PRKAB1: variants seen among roughly 807,000 people sequenced by gnomAD.
PRKAB1 encodes 5'-AMP-activated protein kinase subunit beta-1.
PRKAB1 carries 18 observed loss-of-function variants against 32.0 expected under a neutral mutation model. The ratio of observed to expected loss-of-function variants is 0.56; its 90% confidence interval spans 0.39 to 0.83. PRKAB1 has a LOEUF of 0.83. Ranked by LOEUF, PRKAB1 falls within the 40% of genes least tolerant of loss-of-function variation. The pLI is 0.00. For missense variants in PRKAB1, 263 were observed against 352.6 expected (o/e 0.75, Z 2.03); for synonymous variants, 141 against 141.4 (o/e 1.00, Z 0.02).
chr12:119,676,491 G>C (rs1955427181), intron 4 of PRKAB1, 46 bp from the exon 5 acceptor site: 4 of 1,537,736 alleles, frequency 2.6e-6, no homozygotes, highest in Middle Eastern at 1.7e-4. Context: ...GCTGCTCCTA[G>C]AATGCCTGAT....
chr12:119,668,704 G>C (rs930855959), intron 1 of PRKAB1, among the ~76,000 whole-genome samples: 2 of 152,238 alleles, frequency 1.3e-5, no homozygotes, highest in African/African-American at 4.8e-5. Flanking sequence ...TCAGAGTCGA[G>C]CTAACAGTAA....
At chr12:119,677,079 A>G (rs1955431346) in intron 5 of PRKAB1, among the ~76,000 whole-genome samples, 1 of 152,236 alleles carries the variant, frequency 6.6e-6, no homozygotes, top group Non-Finnish European at 1.5e-5. Flanking sequence ...TAGGTAACAC[A>G]CATTTCTCCT....
At chr12:119,673,111 C>T (rs1424696017) in intron 2 of PRKAB1, among the ~76,000 whole-genome samples, 1 of 152,052 alleles carries the variant, frequency 6.6e-6, no homozygotes, top group Non-Finnish European at 1.5e-5. Flanking sequence ...ACACCTGTAT[C>T]CCCAGCTACT....
intron 1 of PRKAB1, chr12:119,671,473 G>A: frequency 2.4e-6 from 1 of 420,658 alleles, no homozygotes; most frequent in South Asian, 1.7e-5. Flanking sequence ...TTACAATCAT[G>A]GTAAAAGGCA....
At chr12:119,673,510 G>A (rs905013010) in intron 2 of PRKAB1, among the ~76,000 whole-genome samples, 2 of 152,212 alleles carry the variant, frequency 1.3e-5, no homozygotes, top group African/African-American at 2.4e-5. Context: ...GGGCTCTTCC[G>A]GAGTTTGGTT....
At position 119,669,129 on chromosome 12, in the gene PRKAB1, TA is replaced by T. The variant is rs1473546992; in HGVS notation, c.159+729del. 4.1e-5 allele frequency among the ~76,000 whole-genome samples: 6 copies of T among 147,814 alleles called. No individual in the cohort carries two copies. The Admixed American group carries it at 4.2e-4, about 10-fold the overall frequency. On this transcript the variant is annotated intron_variant, in intron 1 of 6. Coordinates refer to ENST00000229328, the MANE Select transcript of PRKAB1 (RefSeq NM_006253.5). The stretch of plus-strand genomic sequence containing the variant: ...TAGACTTCGTCTCAAAAAAAAAATA[TA>T]AATAAAAATAAAAAAGACGGTGGTC...
Position 119,668,381 on chromosome 12 carries a change from T to C in PRKAB1, c.137T>C (p.Leu46Pro), listed in dbSNP as rs1422624494. The C allele has an allele frequency of 3.7e-6, 6 of 1,613,452 alleles. No homozygotes were observed. The highest frequency in any genetic ancestry group is 5.1e-6 in the Non-Finnish European group (6 of 1,179,688). ...ILMDSPEDAD[L>P]FHSEEIKAPE... ...ATGGACAGCCCCGAAGACGCCGACC[T>C]CTTCCACTCCGAGGAAATCAAGGTG... Residue 46 changes from leucine (L) to proline (P), a missense_variant, in exon 1 of 7, where the codon CTC (leucine) becomes CCC (proline). Leu to Pro is a moderately conservative substitution (Grantham distance 98). Coordinates refer to ENST00000229328, the MANE Select transcript of PRKAB1 (RefSeq NM_006253.5).
Position 119,679,796 on chromosome 12 carries a change from C to G in PRKAB1, c.667-137C>G, listed in dbSNP as rs1167742037. The G allele has an allele frequency of 1.2e-5, 11 of 898,232 alleles. No individual in the cohort carries two copies. In the Admixed American group the frequency reaches 1.9e-4, roughly 16 times the overall value. 55.6% of individuals were successfully genotyped at this position (898,232 alleles called of 1,614,324 possible). A position where few individuals can be genotyped will look rare whatever the true frequency, so the allele number is the denominator to read the frequency against. ...TCTCACCTGTCGTCTTGGACAAGCC[C>G]TTGCGCTGCCTGATTTGGGAAGAGA... On this transcript the variant is annotated intron_variant, in intron 5 of 6. Transcript: ENST00000229328. The surrounding 1 kb of genome is among the most constrained non-coding windows in gnomAD (Gnocchi z 4.1).
Position 119,679,748 on chromosome 12 carries a change from C to CA in PRKAB1, c.667-184dup. ...CAGCAGGCATGCAGGGAGCTCCCTT[C>CA]AGGTCAGAAGGCGTGACCTTCATCT... On this transcript the variant is annotated intron_variant, in intron 5 of 6. Transcript: ENST00000229328. The surrounding 1 kb of genome is among the most constrained non-coding windows in gnomAD (Gnocchi z 4.1). 1.6e-6 allele frequency: 1 copy of CA among 621,632 alleles called. No homozygotes were observed. Among genetic ancestry groups the CA allele is most frequent in the Non-Finnish European group, 2.9e-6 (1 of 342,878 alleles). 38.5% of individuals were successfully genotyped at this position (621,632 alleles called of 1,614,324 possible).
Position 119,680,502 on chromosome 12 carries a change from C to G in PRKAB1, c.*177C>G. The G allele has an allele frequency of 1.5e-6, 1 of 665,450 alleles. No individual in the cohort carries two copies. Among genetic ancestry groups the G allele is most frequent in the Non-Finnish European group, 2.6e-6 (1 of 388,028 alleles). The allele number at this position is 665,450 out of a possible 1,614,324, so 41.2% of individuals were successfully genotyped here. The stretch of plus-strand genomic sequence containing the variant: ...CCAGGCAGAGCAGCTCCTGCAGCGC[C>G]TCGGTCTGTGACAGTCCTCCTAGCA... On this transcript the variant is annotated 3_prime_UTR_variant, in exon 7 of 7. Coordinates refer to ENST00000229328, the MANE Select transcript of PRKAB1 (RefSeq NM_006253.5).
rs1262422729 is a variant in PRKAB1 at position 119,678,986 on chromosome 12, T to C, written c.667-947T>C. On this transcript the variant is annotated intron_variant, in intron 5 of 6. Coordinates refer to ENST00000229328, the MANE Select transcript of PRKAB1 (RefSeq NM_006253.5). ...ATGCCCATCAGCAGTGCACTAAAAGTAGCTTTTAAGTGTTCTCACCACAAA... is the reference window on the plus strand; with the variant it reads ...ATGCCCATCAGCAGTGCACTAAAAGCAGCTTTTAAGTGTTCTCACCACAAA... The C allele has an allele frequency of 1.8e-4, 28 of 152,220 alleles. 1 individual carries two copies. The highest frequency in any genetic ancestry group is 1.7e-3 in the Admixed American group (26 of 15,280). The allele number at this position is 152,220 out of a possible 1,614,324, so 9.4% of individuals were successfully genotyped here.
At position 119,668,349 on chromosome 12, in the gene PRKAB1, G is replaced by T; in HGVS notation, c.105G>T (p.Lys35Asn). ...GCACCAAGGACGGGGACAGGCCCAA[G>T]ATCCTGATGGACAGCCCCGAAGACG... Reference protein sequence around the residue: ...SGGTKDGDRPKILMDSPEDAD... With the variant: ...SGGTKDGDRPNILMDSPEDAD... The change falls in exon 1 of 7, where the codon AAG becomes AAT. Residue 35 changes from lysine (K) to asparagine (N), a missense_variant. By Grantham distance (94) the Lys-to-Asn change is moderately conservative. Transcript: ENST00000229328. 6.2e-7 allele frequency: 1 copy of T among 1,613,424 alleles called. No individual in the cohort carries two copies. The highest frequency in any genetic ancestry group is 8.5e-7 in the Non-Finnish European group (1 of 1,179,734).
intron 1 of PRKAB1, chr12:119,671,650 A>G: frequency 4.2e-6 from 1 of 239,464 alleles, no homozygotes; most frequent in South Asian, 4.0e-5. Flanking sequence ...CGTGGGGATT[A>G]TGGGGATTAC....
intron 6 of PRKAB1, 94 bp from the exon 7 acceptor site, chr12:119,680,154 A>T: frequency 6.7e-7 from 1 of 1,497,162 alleles, no homozygotes; most frequent in Non-Finnish European, 9.2e-7. Context: ...TGGCCCGGGA[A>T]TTTGTGGTTT....
intron 2 of PRKAB1, chr12:119,673,685 A>C: frequency 3.4e-6 from 1 of 292,866 alleles, no homozygotes; most frequent in Non-Finnish European, 6.3e-6. Flanking sequence ...CTTGAGACGC[A>C]CAAATGCCTG....
chr12:119,674,935 C>G lies in PRKAB1; in HGVS notation c.532+481C>G, dbSNP rs111768801. Among the ~76,000 whole-genome samples the G allele has an allele frequency of 1.5e-4, 23 of 152,348 alleles. No individual in the cohort carries two copies. Among genetic ancestry groups the G allele is most frequent in the African/African-American group, 5.3e-4 (22 of 41,582 alleles). On this transcript the variant is annotated intron_variant, in intron 4 of 6. Coordinates refer to ENST00000229328, the MANE Select transcript of PRKAB1 (RefSeq NM_006253.5). The surrounding 1 kb of genome is among the most constrained non-coding windows in gnomAD (Gnocchi z 4.3). ...ATCCCTTTGGGGAGGATGCGGCTCC[C>G]CACGGGAAACAGCCTGCACAGCCCA...
At chr12:119,680,047 GCT>G (rs1292291206) in intron 6 of PRKAB1, 46 bp downstream of exon 6, 11 of 1,582,346 alleles carry the variant, frequency 7.0e-6, no homozygotes, top group African/African-American at 2.7e-5. Context: ...CCCAGTGTGT[GCT>G]CTGAGGACCC....
intron 5 of PRKAB1, chr12:119,678,581 C>T (rs1475524861): frequency 6.6e-6 from 1 of 152,206 alleles, no homozygotes; most frequent in Non-Finnish European, 1.5e-5. Flanking sequence ...TCTGTGAGTT[C>T]GACTTTCTTG....
Position 119,679,688 on chromosome 12 carries a change from G to A in PRKAB1, c.667-245G>A. ...TGGCCCACACTTGAAAGAGGCCGGG[G>A]TAAATGCCTGGCCAGAGACACACAC... On this transcript the variant is annotated intron_variant, in intron 5 of 6. Coordinates refer to ENST00000229328, the MANE Select transcript of PRKAB1 (RefSeq NM_006253.5). The surrounding 1 kb of genome is among the most constrained non-coding windows in gnomAD (Gnocchi z 4.1). The A allele has an allele frequency of 1.9e-6, 1 of 513,484 alleles. No individual in the cohort carries two copies. Among genetic ancestry groups the A allele is most frequent in the Non-Finnish European group, 3.6e-6 (1 of 281,612 alleles). The allele number at this position is 513,484 out of a possible 1,614,324, so 31.8% of individuals were successfully genotyped here.
Sources: gnomAD v4.1 joint callset for allele counts (sites outside exome capture counted in the v4.1 genomes callset) on GRCh38, gnomAD v4.1.1 for gene constraint, Gnocchi (gnomAD v3.1) non-coding constraint, MANE v1.5 for transcripts, NCBI Gene and HGNC (gene_info 2026-07-23, HGNC 2026-07-21) for gene names.